Variants in EVA1A observed in about 807,000 individuals in gnomAD.
The protein encoded by EVA1A is eva-1 homolog A, regulator of programmed cell death, also known as protein eva-1 homolog A.
EVA1A carries 7 observed loss-of-function variants against 9.8 expected under a neutral mutation model. The ratio of observed to expected loss-of-function variants is 0.71; its 90% CI spans 0.41 to 1.34. The LOEUF (loss-of-function observed/expected upper bound fraction) is 1.34. Ranked by LOEUF, EVA1A falls within the 40% of genes most tolerant of loss-of-function variation. EVA1A has a pLI of 0.01. For synonymous variants in EVA1A, 90 were observed against 85.6 expected, an observed-to-expected ratio of 1.05 and a Z score of -0.28; for missense variants, 206 against 205.9, an observed-to-expected ratio of 1.00 and a Z score of 0.00.
At chr2:75,517,696 G>C (rs1572960186) in intron 3 of EVA1A, 2 of 670,620 alleles carry the variant, frequency 3.0e-6, no homozygotes, top group African/African-American at 3.6e-5. Context: ...GGCAGCCTGT[G>C]TGAGGTTAAC....
intron 3 of EVA1A, among the ~76,000 whole-genome samples, chr2:75,509,394 T>TGTTAACCA (rs1454561927): frequency 6.6e-6 from 1 of 152,342 alleles, no homozygotes; most frequent in East Asian, 1.9e-4. Context: ...AAATATTTGC[T>TGTTAACCA]GTTAACCAGT....
At position 75,548,940 on chromosome 2, in the gene EVA1A, G is replaced by A. The variant is rs186096132; in HGVS notation, c.-192+11740C>T. 2.7e-5 allele frequency among the ~76,000 whole-genome samples: 4 copies of A among 148,602 alleles called. No homozygotes were observed. In the East Asian group the frequency reaches 7.9e-4, roughly 29 times the overall value. On this transcript the variant is annotated intron_variant, in intron 1 of 3. Coordinates refer to ENST00000393913, the MANE Select transcript of EVA1A (RefSeq NM_001135032.2). Reference sequence around the variant, plus strand: ...CATCTAGCCTTGAGCCAGCCACATAGTTGTTCAAATTATTAAATGAACTGA... The same window carrying A: ...CATCTAGCCTTGAGCCAGCCACATAATTGTTCAAATTATTAAATGAACTGA...
chr2:75,532,582 G>C (rs1290178822), intron 1 of EVA1A, among the ~76,000 whole-genome samples: 2 of 152,146 alleles, frequency 1.3e-5, no homozygotes, highest in Admixed American at 6.5e-5. Context: ...TTGAACTACA[G>C]AGGAAAAATA....
At chr2:75,513,849 T>C (rs1433389570) in intron 3 of EVA1A, among the ~76,000 whole-genome samples, 2 of 152,156 alleles carry the variant, frequency 1.3e-5, no homozygotes, top group African/African-American at 4.8e-5. Context: ...ACCACCTACC[T>C]CCAGACTTCT....
At chr2:75,499,230 A>G (rs138696258) in intron 3 of EVA1A, among the ~76,000 whole-genome samples, 99 of 152,306 alleles carry the variant, frequency 6.5e-4, no homozygotes, top group African/African-American at 2.3e-3. Flanking sequence ...ACTCTCATTT[A>G]TTAGTTAAAT....
At chr2:75,501,151 CT>C (rs1247040161) in intron 3 of EVA1A, among the ~76,000 whole-genome samples, 1 of 152,156 alleles carries the variant, frequency 6.6e-6, no homozygotes, top group Non-Finnish European at 1.5e-5. Flanking sequence ...TCATTGTCCA[CT>C]CTTGACCCAC....
rs1009641691 is a variant in EVA1A at position 75,500,113 on chromosome 2, A to C, written c.86-6504T>G. Reference sequence around the variant, plus strand: ...CATCTTACTATGGTGCACTGCCCGGAGTGCAAAAATGGCCACCAAGCAAAA... The same window carrying C: ...CATCTTACTATGGTGCACTGCCCGGCGTGCAAAAATGGCCACCAAGCAAAA... On this transcript the variant is annotated intron_variant, in intron 3 of 3. Transcript: ENST00000393913. Among the ~76,000 whole-genome samples the C allele has an allele frequency of 6.6e-5, 10 of 152,224 alleles. No individual in the cohort carries two copies. In the South Asian group the frequency reaches 1.9e-3, roughly 28 times the overall value.
chr2:75,505,192 G>A (rs768319031), intron 3 of EVA1A, among the ~76,000 whole-genome samples: 8 of 152,198 alleles, frequency 5.3e-5, no homozygotes, highest in Admixed American at 5.2e-4. Context: ...CACTGATGAG[G>A]TCAACTTCAA....
At chr2:75,493,712 T>C (rs1674109154) in intron 3 of EVA1A, 103 bp from the exon 4 acceptor site, 2 of 1,110,898 alleles carry the variant, frequency 1.8e-6, no homozygotes, top group African/African-American at 3.1e-5. Flanking sequence ...CCCCAAAGTT[T>C]TGATGGTTAC....
intron 2 of EVA1A, 79 bp from the exon 3 acceptor site, chr2:75,518,287 A>T: frequency 7.1e-7 from 1 of 1,402,690 alleles, no homozygotes; most frequent in Non-Finnish European, 9.4e-7. Context: ...GGACTCCTAA[A>T]GACATATTTT....
intron 1 of EVA1A, among the ~76,000 whole-genome samples, chr2:75,547,878 A>AAGTTTTACT (rs763496609): frequency 2.6e-5 from 4 of 152,148 alleles, no homozygotes; most frequent in Non-Finnish European, 5.9e-5. Context: ...TTTGTTTATA[A>AAGTTTTACT]AGTTTTACTA....
At chr2:75,546,680 A>G (rs1676340693) in intron 1 of EVA1A, among the ~76,000 whole-genome samples, 1 of 152,126 alleles carries the variant, frequency 6.6e-6, no homozygotes, top group Non-Finnish European at 1.5e-5. Context: ...TAGGGGTTGA[A>G]TTGTGTCTTT....
chr2:75,532,990 A>G (rs2103900753), intron 1 of EVA1A, among the ~76,000 whole-genome samples: 1 of 152,106 alleles, frequency 6.6e-6, no homozygotes, highest in South Asian at 2.1e-4. Context: ...TAAAAATACA[A>G]AAATTAGCTG....
chr2:75,494,357 G>A (rs905397274), intron 3 of EVA1A, among the ~76,000 whole-genome samples: 11 of 152,290 alleles, frequency 7.2e-5, no homozygotes, highest in African/African-American at 2.2e-4. Flanking sequence ...AATGCCCTGC[G>A]TATACCGAGG....
At position 75,492,776 on chromosome 2, in the gene EVA1A, A is replaced by G. The variant is rs916889463; in HGVS notation, c.*460T>C. On this transcript the variant is annotated 3_prime_UTR_variant, in exon 4 of 4. Transcript: ENST00000393913. ...CAGCCTTAAATAATAAGCATGGATC[A>G]TGCTATTTGAATCAGAATCACCTCC... The G allele has an allele frequency of 6.4e-6, 1 of 156,336 alleles. No homozygotes were observed. Among genetic ancestry groups the G allele is most frequent in the Non-Finnish European group, 1.4e-5 (1 of 70,674 alleles). 9.7% of individuals were successfully genotyped at this position (156,336 alleles called of 1,614,324 possible). A position where few individuals can be genotyped will look rare whatever the true frequency, so the allele number is the denominator to read the frequency against.
At chr2:75,536,935 G>C (rs1167644699) in intron 1 of EVA1A, among the ~76,000 whole-genome samples, 1 of 152,058 alleles carries the variant, frequency 6.6e-6, no homozygotes, top group African/African-American at 2.4e-5. Flanking sequence ...CAGAGAAGAG[G>C]GGATACTTCC....
At chr2:75,497,718 G>A (rs1313804583) in intron 3 of EVA1A, among the ~76,000 whole-genome samples, 2 of 151,724 alleles carry the variant, frequency 1.3e-5, no homozygotes, top group Non-Finnish European at 2.9e-5. Context: ...AGGCATGCTG[G>A]TGCACACCTG....
At chr2:75,547,640 G>A (rs1243692844) in intron 1 of EVA1A, among the ~76,000 whole-genome samples, 1 of 152,034 alleles carries the variant, frequency 6.6e-6, no homozygotes, top group Non-Finnish European at 1.5e-5. Context: ...TCATCAAATT[G>A]GTCTGCAGTC....
intron 3 of EVA1A, among the ~76,000 whole-genome samples, chr2:75,511,979 T>G (rs1282304926): frequency 1.3e-5 from 2 of 151,700 alleles, no homozygotes; most frequent in African/African-American, 2.4e-5. Context: ...TGGGGAGAAG[T>G]GGAGAGTGAT....
Sources: gnomAD v4.1 joint callset for allele counts (sites outside exome capture counted in the v4.1 genomes callset) on GRCh38, gnomAD v4.1.1 for gene constraint, MANE v1.5 for transcripts, NCBI Gene and HGNC (gene_info 2026-07-23, HGNC 2026-07-21) for gene names.